ZBTB8OS: variants seen among roughly 807,000 people sequenced by gnomAD.
The protein encoded by ZBTB8OS is tRNA splicing ligase complex subunit 1, also known as tRNA-splicing ligase-activating factor archease.
A neutral mutation model predicts 29.3 loss-of-function variants in ZBTB8OS; 16 were observed. The observed-to-expected ratio is 0.55, with a 90% CI of 0.37 to 0.83. The LOEUF is 0.83. ZBTB8OS is among the 40% of genes least tolerant of loss of function. The pLI, the probability that ZBTB8OS is intolerant of heterozygous loss-of-function variation, is 0.00. For synonymous variants in ZBTB8OS, 70 were observed against 64.6 expected (o/e 1.08, Z -0.40); for missense variants, 160 against 196.9 (o/e 0.81, Z 1.12).
At chr1:32,625,917 C>T (rs904558004) in intron 6 of ZBTB8OS, among the ~76,000 whole-genome samples, 6 of 151,132 alleles carry the variant, frequency 4.0e-5, no homozygotes, top group Admixed American at 2.6e-4. Context: ...GTCGCCCAGG[C>T]TGGAGTGTGC....
chr1:32,643,241 T>C (rs1177008225), intron 1 of ZBTB8OS, among the ~76,000 whole-genome samples: 1 of 151,066 alleles, frequency 6.6e-6, no homozygotes, highest in Non-Finnish European at 1.5e-5. Context: ...TGGCTAATTT[T>C]TTGTATTTTT....
At position 32,620,832 on chromosome 1, in the gene ZBTB8OS, TCTC is replaced by T. The variant is rs893616789; in HGVS notation, c.*1027_*1029del. 3 of 152,106 alleles carry T rather than the reference TCTC, an allele frequency of 2.0e-5. No individual in the cohort carries two copies. The highest frequency in any genetic ancestry group is 2.9e-5 in the Non-Finnish European group (2 of 68,032). 9.4% of individuals were successfully genotyped at this position (152,106 alleles called of 1,614,324 possible). A position where few individuals can be genotyped will look rare whatever the true frequency, so the allele number is the denominator to read the frequency against. On this transcript the variant is annotated 3_prime_UTR_variant, in exon 7 of 7. Coordinates refer to ENST00000468695, the MANE Select transcript of ZBTB8OS (RefSeq NM_178547.5). ...AACAATAAAGAAATTTTTCAAAAATTCTCCTTTTATTCTCTAGTTATAAACATG... is the reference window on the plus strand; with the variant it reads ...AACAATAAAGAAATTTTTCAAAAATTCTTTTATTCTCTAGTTATAAACATG...
intron 1 of ZBTB8OS, among the ~76,000 whole-genome samples, chr1:32,639,310 A>T (rs9425887): frequency 0.84 from 125,968 of 149,340 alleles, 54,883 homozygotes; most frequent in Non-Finnish European, 0.96. Flanking sequence ...CAAAAAAAAT[A>T]AAAAAAAAAA....
chr1:32,650,858 C>A, upstream of ZBTB8OS: 1 of 492,006 alleles, frequency 2.0e-6, no homozygotes, highest in East Asian at 3.6e-5. Context: ...GATAACTAGA[C>A]CCGAAGGCAT....
At chr1:32,626,084 G>A (rs1005923209) in intron 6 of ZBTB8OS, among the ~76,000 whole-genome samples, 2 of 152,106 alleles carry the variant, frequency 1.3e-5, no homozygotes, top group African/African-American at 4.8e-5. Context: ...CGTTGGCCGG[G>A]CTGGTCTAGA....
Position 32,631,828 on chromosome 1 carries a change from C to A in ZBTB8OS, c.379G>T (p.Gly127Trp). The change falls in exon 5 of 7, where the codon GGG (glycine) becomes TGG (tryptophan). Residue 127 changes from glycine to tryptophan, a missense_variant and splice_region_variant. By Grantham distance (184) the Gly-to-Trp change is radical. Coordinates refer to ENST00000468695, the MANE Select transcript of ZBTB8OS (RefSeq NM_178547.5). ...DQRNFKLRSI[G>W]WGEEFSLSKH... ...ACTTAAAAGACTTTCAAAACTTACCCAATTGATCGTAATTTGAAATTTCTT... is the reference window on the plus strand; with the variant it reads ...ACTTAAAAGACTTTCAAAACTTACCAAATTGATCGTAATTTGAAATTTCTT... The A allele has an allele frequency of 6.3e-7, 1 of 1,593,774 alleles. No individual in the cohort carries two copies. Among genetic ancestry groups the A allele is most frequent in the South Asian group, 1.1e-5 (1 of 87,922 alleles).
At chr1:32,645,899 T>C (rs1001773085) in intron 1 of ZBTB8OS, among the ~76,000 whole-genome samples, 14 of 152,172 alleles carry the variant, frequency 9.2e-5, no homozygotes, top group Admixed American at 3.3e-4. Context: ...TGGAAGGATA[T>C]AGGGAACCCC....
intron 3 of ZBTB8OS, 66 bp downstream of exon 3, chr1:32,633,885 G>A: frequency 6.6e-7 from 1 of 1,512,786 alleles, no homozygotes; most frequent in Non-Finnish European, 8.8e-7. Flanking sequence ...CTCAGATTAT[G>A]TAGAATACTG....
chr1:32,650,650 C>G, upstream of ZBTB8OS: 3 of 1,562,922 alleles, frequency 1.9e-6, no homozygotes, highest in Non-Finnish European at 2.6e-6. Flanking sequence ...ACTCCTTTCT[C>G]GGAGTTGGCT....
chr1:32,638,678 C>G (rs1646176498), intron 1 of ZBTB8OS, among the ~76,000 whole-genome samples: 1 of 151,962 alleles, frequency 6.6e-6, no homozygotes, highest in Non-Finnish European at 1.5e-5. Context: ...TTTGGGAGGC[C>G]AAGGTGGGTA....
chr1:32,639,064 G>A (rs923135065), intron 1 of ZBTB8OS, among the ~76,000 whole-genome samples: 3 of 151,398 alleles, frequency 2.0e-5, no homozygotes, highest in African/African-American at 7.3e-5. Context: ...TTGGGAGGCT[G>A]AGGTAGGTGG....
chr1:32,650,619 C>A, upstream of ZBTB8OS: 1 of 1,609,216 alleles, frequency 6.2e-7, no homozygotes, highest in Non-Finnish European at 8.5e-7. Flanking sequence ...CGCCCCTTGG[C>A]GCACACCCTT....
chr1:32,630,003 G>A (rs919584022), intron 5 of ZBTB8OS, among the ~76,000 whole-genome samples: 4 of 151,822 alleles, frequency 2.6e-5, no homozygotes, highest in South Asian at 2.1e-4. Flanking sequence ...TGCCCGCCTC[G>A]GCCTCCCAAA....
intron 1 of ZBTB8OS, among the ~76,000 whole-genome samples, chr1:32,641,691 A>G (rs901263342): frequency 1.3e-5 from 2 of 150,136 alleles, no homozygotes; most frequent in Admixed American, 1.3e-4. Flanking sequence ...AGGCGGGCGG[A>G]TCACGAGATC....
intron 1 of ZBTB8OS, 32 bp downstream of exon 1, chr1:32,650,401 C>T (rs756119206): frequency 1.2e-6 from 2 of 1,613,568 alleles, no homozygotes; most frequent in Non-Finnish European, 8.5e-7. Context: ...TGTGTGCTTA[C>T]ATGTAAAGAG....
intron 6 of ZBTB8OS, among the ~76,000 whole-genome samples, chr1:32,624,041 C>T (rs575424550): frequency 6.6e-6 from 1 of 152,242 alleles, no homozygotes; most frequent in African/African-American, 2.4e-5. Context: ...TCAGCACTCA[C>T]TTCTCTTCCT....
intron 6 of ZBTB8OS, 130 bp downstream of exon 6, chr1:32,627,378 A>C (rs1044699934): frequency 9.3e-6 from 7 of 755,358 alleles, no homozygotes; most frequent in Non-Finnish European, 1.6e-5. Context: ...ATATCCAGAC[A>C]GGTCAGAGAA....
intron 1 of ZBTB8OS, among the ~76,000 whole-genome samples, chr1:32,636,721 A>G (rs426213): frequency 0.16 from 24,181 of 150,426 alleles, 4,184 homozygotes; most frequent in African/African-American, 0.42. Flanking sequence ...GGGGGGGAAG[A>G]AGAGGGTCAG....
intron 6 of ZBTB8OS, among the ~76,000 whole-genome samples, chr1:32,626,372 C>T (rs1287301441): frequency 6.6e-6 from 1 of 152,038 alleles, no homozygotes; most frequent in Non-Finnish European, 1.5e-5. Flanking sequence ...ATGATGTTTG[C>T]ACAATGATGT....
Sources: gnomAD v4.1 joint callset for allele counts (sites outside exome capture counted in the v4.1 genomes callset) on GRCh38, gnomAD v4.1.1 for gene constraint, MANE v1.5 for transcripts, NCBI Gene and HGNC (gene_info 2026-07-23, HGNC 2026-07-21) for gene names.